The following PAK1 variants were observed in gnomAD, a reference collection of about 807,000 sequenced individuals.
PAK1 encodes the protein serine/threonine-protein kinase PAK 1.
PAK1 carries 29 observed loss-of-function variants against 67.4 expected under a neutral mutation model. The observed-to-expected ratio is 0.43, with a 90% CI of 0.32 to 0.59. The LOEUF (loss-of-function observed/expected upper bound fraction) is 0.59. Ranked by LOEUF, PAK1 falls within the 20% of genes least tolerant of loss-of-function variation. PAK1 has a pLI of 0.07. For missense variants in PAK1, 337 were observed against 670.7 expected (o/e 0.50, Z 5.50); for synonymous variants, 223 against 237.4 (o/e 0.94, Z 0.56).
chr11:77,397,596 C>T (rs1952004722), intron 1 of PAK1, among the ~76,000 whole-genome samples: 1 of 152,184 alleles, frequency 6.6e-6, no homozygotes, highest in Admixed American at 6.5e-5. Flanking sequence ...GGAAAGAAAA[C>T]ACTTTTCAAG....
In PAK1 at chr11:77,408,347, CAT is replaced by C. The variant is rs1297512965; in HGVS notation, c.-21-15808_-21-15807del. 3 of 152,200 alleles carry C rather than the reference CAT, an allele frequency of 2.0e-5. No individual in the cohort carries two copies. The East Asian group carries it at 5.8e-4, about 29-fold the overall frequency. The allele number at this position is 152,200 out of a possible 1,614,324, so 9.4% of individuals were successfully genotyped here. On this transcript the variant is annotated intron_variant, in intron 1 of 14. Coordinates refer to ENST00000356341, the MANE Select transcript of PAK1 (RefSeq NM_002576.5). ...ACATATATACACACACACATATATA[CAT>C]ACACACACATACACACGATCGTACG...
the PAK1 span, among the ~76,000 whole-genome samples, chr11:77,527,684 T>C: frequency 2.4e-4 from 36 of 152,322 alleles, no homozygotes; most frequent in African/African-American, 7.7e-4. Context: ...GATGGGCTTA[T>C]TAACATTACT....
At chr11:77,468,612 C>A (rs1229208922) in intron 1 of PAK1, among the ~76,000 whole-genome samples, 5 of 152,186 alleles carry the variant, frequency 3.3e-5, no homozygotes, top group Non-Finnish European at 7.4e-5. Context: ...AAGTCTGCAA[C>A]ATCATGACCA....
chr11:77,421,435 C>G (rs1373930726), intron 1 of PAK1, among the ~76,000 whole-genome samples: 1 of 152,190 alleles, frequency 6.6e-6, no homozygotes, highest in East Asian at 1.9e-4. Context: ...ATATCAGCAC[C>G]CTTTATTCCA....
chr11:77,377,963 T>A (rs1448938228), intron 4 of PAK1, among the ~76,000 whole-genome samples: 1 of 152,176 alleles, frequency 6.6e-6, no homozygotes, highest in African/African-American at 2.4e-5. Flanking sequence ...GGCACATGCA[T>A]GGCCCTCTCC....
At chr11:77,475,102 C>CTAG (rs1030290766), upstream of PAK1, 8 of 152,030 alleles carry the variant, frequency 5.3e-5, no homozygotes, top group Admixed American at 5.2e-4. Context: ...AGAATGTTGG[C>CTAG]TATTATTATT....
intron 1 of PAK1, among the ~76,000 whole-genome samples, chr11:77,394,089 A>G (rs1389679575): frequency 6.6e-6 from 1 of 152,238 alleles, no homozygotes; most frequent in Non-Finnish European, 1.5e-5. Flanking sequence ...AACGTCCTTG[A>G]CAATGGATAC....
the PAK1 span, among the ~76,000 whole-genome samples, chr11:77,529,579 A>T: frequency 0.056 from 8,457 of 152,222 alleles, 274 homozygotes; most frequent in Non-Finnish European, 0.073. Context: ...AACAAAGGGG[A>T]AGGCCTGGGT....
intron 1 of PAK1, among the ~76,000 whole-genome samples, chr11:77,409,570 A>G (rs1304019025): frequency 6.6e-6 from 1 of 152,202 alleles, no homozygotes; most frequent in African/African-American, 2.4e-5. Flanking sequence ...TTGTGTATAT[A>G]TGTATATATA....
At chr11:77,398,691 G>C (rs1952176745) in intron 1 of PAK1, among the ~76,000 whole-genome samples, 1 of 152,198 alleles carries the variant, frequency 6.6e-6, no homozygotes, top group African/African-American at 2.4e-5. Flanking sequence ...CTTGTGGGTA[G>C]ATACCCAGCT....
chr11:77,344,122 T>C (rs1170833039), intron 9 of PAK1, 191 bp from the exon 10 acceptor site: 1 of 536,916 alleles, frequency 1.9e-6, no homozygotes, highest in African/African-American at 1.9e-5. Context: ...ATCATCATCA[T>C]CTGGGAGCTT....
the PAK1 span, among the ~76,000 whole-genome samples, chr11:77,490,017 C>A: frequency 6.6e-6 from 1 of 150,856 alleles, no homozygotes; most frequent in Non-Finnish European, 1.5e-5. Context: ...CGCCTCTTCC[C>A]GGCCGCCATC....
At chr11:77,435,517 G>A (rs7103559) in intron 1 of PAK1, among the ~76,000 whole-genome samples, 5,978 of 146,590 alleles carry the variant, frequency 0.041, 430 homozygotes, top group African/African-American at 0.14. Context: ...TTTTTGAGAC[G>A]GAGTCTCACT....
Position 77,337,367 on chromosome 11 carries a change from C to T in PAK1, c.1173G>A (p.Lys391=). 6.2e-7 allele frequency: 1 copy of T among 1,611,638 alleles called. No homozygotes were observed. Among genetic ancestry groups the T allele is most frequent in the Non-Finnish European group, 8.5e-7 (1 of 1,177,954 alleles). The change falls in exon 12 of 15, where the codon AAG becomes AAA. Residue 391 remains lysine, a synonymous_variant. Transcript: ENST00000356341. ...HSNQVIHRDI[K]SDNILLGMDG... ...CCATTCCCAACAGAATATTGTCACTCTTGATGTCTCTGTGAATGACCTGGT... is the reference window on the plus strand; with the variant it reads ...CCATTCCCAACAGAATATTGTCACTTTTGATGTCTCTGTGAATGACCTGGT...
chr11:77,526,493 A>G, the PAK1 span, among the ~76,000 whole-genome samples: 2 of 152,254 alleles, frequency 1.3e-5, no homozygotes, highest in South Asian at 4.1e-4. Flanking sequence ...ATCATATGAA[A>G]TGACATAAAA....
At chr11:77,355,175 T>TA (rs781536234) in intron 7 of PAK1, among the ~76,000 whole-genome samples, 59 of 152,172 alleles carry the variant, frequency 3.9e-4, no homozygotes, top group Non-Finnish European at 5.1e-4. Context: ...GAATTAAATT[T>TA]AAAAAAAATC....
intron 1 of PAK1, among the ~76,000 whole-genome samples, chr11:77,425,271 C>CT (rs142207968): frequency 0.11 from 15,445 of 141,348 alleles, 1,868 homozygotes; most frequent in African/African-American, 0.29. Context: ...CAGGCTTTTG[C>CT]TTTTTTTTTT....
At chr11:77,399,346 T>C (rs970986955) in intron 1 of PAK1, among the ~76,000 whole-genome samples, 11 of 152,068 alleles carry the variant, frequency 7.2e-5, no homozygotes, top group African/African-American at 2.2e-4. Flanking sequence ...AAATGTTAAA[T>C]TGAATTTGAG....
chr11:77,434,243 A>G (rs947378029), intron 1 of PAK1, among the ~76,000 whole-genome samples: 9 of 152,238 alleles, frequency 5.9e-5, no homozygotes, highest in African/African-American at 2.2e-4. Flanking sequence ...CCAAATATCC[A>G]TGAACTGATA....
Sources: allele counts gnomAD v4.1 joint callset (sites outside exome capture counted in the v4.1 genomes callset), GRCh38; gene constraint gnomAD v4.1.1; transcripts MANE v1.5; gene names NCBI Gene and HGNC (gene_info 2026-07-23, HGNC 2026-07-21).